JDP2: variants seen among roughly 807,000 people sequenced by gnomAD.
JDP2 encodes Jun dimerization protein 2, also known as progesterone receptor co-activator.
Under a neutral mutation model 17.1 loss-of-function variants are expected in JDP2, and 9 were observed. That is an observed-to-expected ratio of 0.53 (90% confidence interval 0.32 to 0.92). The LOEUF (loss-of-function observed/expected upper bound fraction) is 0.92. Among genes scored for constraint, JDP2 ranks in the 40% least tolerant of loss-of-function variants. The pLI is 0.04. For synonymous variants in JDP2, 107 were observed against 95.6 expected (o/e 1.12, Z -0.69); for missense variants, 179 against 220.0 (o/e 0.81, Z 1.18).
At chr14:75,441,758 T>C (rs1885363447) in intron 2 of JDP2, among the ~76,000 whole-genome samples, 1 of 152,374 alleles carries the variant, frequency 6.6e-6, no homozygotes, top group Admixed American at 6.5e-5. Context: ...CTTTGCTCTC[T>C]GGCTTTCTCC....
intron 2 of JDP2, chr14:75,445,166 G>C: frequency 2.0e-6 from 2 of 985,216 alleles, no homozygotes; most frequent in Non-Finnish European, 2.4e-6. Flanking sequence ...GAACAACTAT[G>C]AAGCCATTTA....
intron 3 of JDP2, among the ~76,000 whole-genome samples, chr14:75,465,419 A>G (rs1886528505): frequency 6.6e-6 from 1 of 152,052 alleles, no homozygotes; most frequent in Non-Finnish European, 1.5e-5. Flanking sequence ...GCAGCCTTGT[A>G]CTCCCAGGCT....
Position 75,469,596 on chromosome 14 carries a change from C to A in JDP2, c.*121C>A. 1.1e-5 allele frequency: 9 copies of A among 797,772 alleles called. No individual in the cohort carries two copies. Among genetic ancestry groups the A allele is most frequent in the Non-Finnish European group, 1.8e-5 (9 of 512,068 alleles). The allele number at this position is 797,772 out of a possible 1,614,324, so 49.4% of individuals were successfully genotyped here. On this transcript the variant is annotated 3_prime_UTR_variant, in exon 4 of 4. Coordinates refer to ENST00000651602, the MANE Select transcript of JDP2 (RefSeq NM_001135048.2). ...GCATGAAAAACTGTACAATGAGGTT[C>A]AGCACAGCCAGCATCAGCCGAGCTT...
At chr14:75,434,852 A>T (rs141489047) in intron 1 of JDP2, among the ~76,000 whole-genome samples, 4 of 152,084 alleles carry the variant, frequency 2.6e-5, no homozygotes, top group African/African-American at 9.7e-5. Context: ...GCTTCCAGAG[A>T]TGGATTCTTA....
intron 2 of JDP2, among the ~76,000 whole-genome samples, chr14:75,456,509 G>A (rs1037560861): frequency 6.6e-6 from 1 of 152,162 alleles, no homozygotes; most frequent in African/African-American, 2.4e-5. Flanking sequence ...TTGCTTAAAT[G>A]TGTGCCTTGG....
intron 2 of JDP2, among the ~76,000 whole-genome samples, chr14:75,442,684 G>A (rs1421021652): frequency 2.6e-5 from 4 of 152,118 alleles, no homozygotes; most frequent in East Asian, 1.9e-4. Context: ...ATTCCCAAAC[G>A]TGGCTGGTCA....
rs1884664364 is a variant in JDP2, at chr14:75,428,947, C to A, written c.-24+695C>A. ...AAGCAGGCTCCTGTAGGTAACCAGC[C>A]TCTCCCTTGCCCAGCCCAGCTTAGA... On this transcript the variant is annotated intron_variant, in intron 1 of 3. Coordinates refer to ENST00000651602, the MANE Select transcript of JDP2 (RefSeq NM_001135048.2). The surrounding 1 kb of genome is among the most constrained non-coding windows in gnomAD (Gnocchi z 5.6). Among the ~76,000 whole-genome samples, 1 of 152,086 alleles carries A rather than the reference C, an allele frequency of 6.6e-6. No homozygotes were observed. Among genetic ancestry groups the A allele is most frequent in the South Asian group, 2.1e-4 (1 of 4,832 alleles).
chr14:75,442,841 C>T lies in JDP2; in HGVS notation c.201+4720C>T, dbSNP rs143924188. 5.3e-5 allele frequency among the ~76,000 whole-genome samples: 8 copies of T among 152,278 alleles called. No homozygotes were observed. The East Asian group carries it at 5.8e-4, about 11-fold the overall frequency. ...GACTCAGCTACTTTTGGGAATGTGA[C>T]TCTTTGCGGTTTCTTCCTCTCCTCA... is the stretch of plus-strand genomic sequence containing the variant. On this transcript the variant is annotated intron_variant, in intron 2 of 3. Coordinates refer to ENST00000651602, the MANE Select transcript of JDP2 (RefSeq NM_001135048.2).
At chr14:75,429,817 T>C (rs1180125427) in intron 1 of JDP2, among the ~76,000 whole-genome samples, 1 of 152,202 alleles carries the variant, frequency 6.6e-6, no homozygotes, top group Non-Finnish European at 1.5e-5. Flanking sequence ...TACTTTGGCT[T>C]TGGTTCAGAG....
chr14:75,430,961 T>C lies in JDP2; in HGVS notation c.-24+2709T>C, dbSNP rs1271146885. 6.6e-6 allele frequency among the ~76,000 whole-genome samples: 1 copy of C among 152,150 alleles called. No homozygotes were observed. Among genetic ancestry groups the C allele is most frequent in the Non-Finnish European group, 1.5e-5 (1 of 68,018 alleles). On this transcript the variant is annotated intron_variant, in intron 1 of 3. Coordinates refer to ENST00000651602, the MANE Select transcript of JDP2 (RefSeq NM_001135048.2). The surrounding 1 kb of genome is among the most constrained non-coding windows in gnomAD (Gnocchi z 4.5). ...ACCATTCTTAGTTGTTGTTGTTTTT[T>C]AGTCTGTTTTCTTGCTGCAGCCCAC...
chr14:75,469,325 G>A lies in JDP2; in HGVS notation c.342G>A (p.Leu114=), dbSNP rs945078055. 18 of 1,614,194 alleles carry A rather than the reference G, an allele frequency of 1.1e-5. No homozygotes were observed. Among genetic ancestry groups the A allele is most frequent in the Non-Finnish European group, 1.5e-5 (18 of 1,180,018 alleles). The change falls in exon 4 of 4, where the codon CTG becomes CTA. Residue 114 remains leucine (L), a synonymous_variant. Coordinates refer to ENST00000651602, the MANE Select transcript of JDP2 (RefSeq NM_001135048.2). The stretch of plus-strand genomic sequence containing the variant: ...GGCTGGAACTCATGAACGCAGAGCT[G>A]AAGACCCAGATTGAGGAGCTGAAGC... ...SERLELMNAE[L]KTQIEELKQE... is the part of the protein sequence containing the mutation.
chr14:75,458,163 A>G (rs2139988243), intron 2 of JDP2, among the ~76,000 whole-genome samples: 1 of 152,030 alleles, frequency 6.6e-6, no homozygotes, highest in South Asian at 2.1e-4. Flanking sequence ...AAAGCAGCGG[A>G]TTCTTTTTCT....
chr14:75,433,996 G>T (rs1278429927), intron 1 of JDP2, among the ~76,000 whole-genome samples: 1 of 152,180 alleles, frequency 6.6e-6, no homozygotes, highest in Non-Finnish European at 1.5e-5. Flanking sequence ...TTAGTGCGTA[G>T]TTCTTCTTTT....
In JDP2 at chr14:75,469,426, C is replaced by A. The variant is rs767188221; in HGVS notation, c.443C>A (p.Thr148Asn). 3 of 1,614,012 alleles carry A rather than the reference C, an allele frequency of 1.9e-6. No homozygotes were observed. The highest frequency in any genetic ancestry group is 2.5e-6 in the Non-Finnish European group (3 of 1,179,992). Residue 148 changes from threonine (T) to asparagine (N), a missense_variant, in exon 4 of 4, where the codon ACC becomes AAC. Coordinates refer to ENST00000651602, the MANE Select transcript of JDP2 (RefSeq NM_001135048.2). ...ATCGTCCGGACCGACAGTGTCAAGA[C>A]CCCCGAGTCAGAAGGCAACCCACTG... ...TCIVRTDSVK[T>N]PESEGNPLLE...
chr14:75,432,223 T>G, intron 1 of JDP2: 2 of 1,210,430 alleles, frequency 1.7e-6, no homozygotes, highest in Non-Finnish European at 2.4e-6. Flanking sequence ...CTCCTCGACT[T>G]TTGGAAGCCG....
At chr14:75,442,826 C>G (rs1885415759) in intron 2 of JDP2, among the ~76,000 whole-genome samples, 1 of 152,106 alleles carries the variant, frequency 6.6e-6, no homozygotes, top group South Asian at 2.1e-4. Context: ...GACTCAGCTA[C>G]TTTTGGGAAT....
At chr14:75,432,127 C>G in intron 1 of JDP2, 1 of 600,084 alleles carries the variant, frequency 1.7e-6, no homozygotes, top group Non-Finnish European at 3.0e-6. Context: ...GAGCTGGGGA[C>G]AGCCATCTGA....
At chr14:75,469,265 A>G in intron 3 of JDP2, 25 bp from the exon 4 acceptor site, 1 of 1,603,206 alleles carries the variant, frequency 6.2e-7, no homozygotes, top group East Asian at 2.2e-5. Flanking sequence ...TGAAACTCAC[A>G]GCGTGCTTCT....
chr14:75,435,045 G>A (rs575279099), intron 1 of JDP2, among the ~76,000 whole-genome samples: 7 of 152,360 alleles, frequency 4.6e-5, no homozygotes, highest in African/African-American at 1.7e-4. Flanking sequence ...GAATCACAGC[G>A]CTGCTGGCCG....
Sources: allele counts gnomAD v4.1 joint callset (sites outside exome capture counted in the v4.1 genomes callset), GRCh38; gene constraint gnomAD v4.1.1; non-coding constraint Gnocchi (gnomAD v3.1); transcripts MANE v1.5; gene names NCBI Gene and HGNC (gene_info 2026-07-23, HGNC 2026-07-21).